Variants in LINGO2 observed in about 807,000 individuals in gnomAD.
LINGO2 encodes leucine-rich repeat and immunoglobulin-like domain-containing nogo receptor-interacting protein 2.
A neutral mutation model predicts 30.6 loss-of-function variants in LINGO2; 14 were observed. The ratio of observed to expected loss-of-function variants is 0.46; its 90% CI spans 0.30 to 0.72. The LOEUF (loss-of-function observed/expected upper bound fraction) is 0.72. LINGO2 is among the 30% of genes least tolerant of loss of function. The pLI is 0.07. For missense variants in LINGO2, 729 were observed against 751.7 expected (o/e 0.97, Z 0.35); for synonymous variants, 317 against 288.5 (o/e 1.10, Z -1.00).
At chr9:28,368,162 C>A (rs890820071) in intron 3 of LINGO2, among the ~76,000 whole-genome samples, 1 of 151,984 alleles carries the variant, frequency 6.6e-6, no homozygotes, top group South Asian at 2.1e-4. Context: ...TCTATTACAC[C>A]CTGCATTGTC....
chr9:28,591,770 G>A (rs1020421464), intron 1 of LINGO2, among the ~76,000 whole-genome samples: 2 of 151,986 alleles, frequency 1.3e-5, no homozygotes, highest in South Asian at 2.1e-4. Flanking sequence ...CTTGAATTAA[G>A]TAAGACTCTT....
In LINGO2 at chr9:28,190,180, G is replaced by C. The variant is rs997063737; in HGVS notation, c.-87+105028C>G. On this transcript the variant is annotated intron_variant, in intron 4 of 5. Coordinates refer to ENST00000379992, the Ensembl canonical transcript of LINGO2. ...CCAGGCTGTCTTGTCCATACCTTCA[G>C]AATTCCTGAGCTGTTTTGTCCATAA... Among the ~76,000 whole-genome samples, 7 of 152,104 alleles carry C rather than the reference G, an allele frequency of 4.6e-5. No individual in the cohort carries two copies. The South Asian group carries it at 1.4e-3, about 32-fold the overall frequency.
At chr9:28,592,172 G>A (rs1205611183) in intron 1 of LINGO2, among the ~76,000 whole-genome samples, 2 of 151,944 alleles carry the variant, frequency 1.3e-5, no homozygotes, top group African/African-American at 2.4e-5. Flanking sequence ...ATCTTCATAA[G>A]CCCTTCAAAG....
chr9:28,747,907 C>T, the LINGO2 span, among the ~76,000 whole-genome samples: 1 of 152,016 alleles, frequency 6.6e-6, no homozygotes, highest in Non-Finnish European at 1.5e-5. Context: ...CAAAAGAAAA[C>T]TTTATGTCAC....
the LINGO2 span, among the ~76,000 whole-genome samples, chr9:28,750,547 C>T: frequency 2.0e-5 from 3 of 152,054 alleles, no homozygotes; most frequent in East Asian, 1.9e-4. Flanking sequence ...TGCTTTACCA[C>T]TTGCCAACCT....
chr9:28,992,814 A>C, the LINGO2 span, among the ~76,000 whole-genome samples: 1 of 152,186 alleles, frequency 6.6e-6, no homozygotes, highest in Non-Finnish European at 1.5e-5. Flanking sequence ...CTTTGAAACC[A>C]ACGAGAACGA....
At chr9:28,287,946 T>A (rs900533460) in intron 4 of LINGO2, among the ~76,000 whole-genome samples, 5 of 152,188 alleles carry the variant, frequency 3.3e-5, no homozygotes, top group African/African-American at 1.2e-4. Flanking sequence ...GACATTTATT[T>A]AGTCAGCATT....
At position 28,041,765 on chromosome 9, in the gene LINGO2, A is replaced by T. The variant is rs528885099; in HGVS notation, c.-86-29360T>A. 4.6e-4 allele frequency among the ~76,000 whole-genome samples: 70 copies of T among 152,332 alleles called. 1 individual carries two copies. Among genetic ancestry groups the T allele is most frequent in the Non-Finnish European group, 8.7e-4 (59 of 68,028 alleles). ...GTTAGCGACATATTATAATTTACAT[A>T]TATTTTCCTTTTCCATGACACCTTA... On this transcript the variant is annotated intron_variant, in intron 4 of 5. Coordinates refer to ENST00000379992, the Ensembl canonical transcript of LINGO2.
At chr9:28,109,060 C>A (rs1438569199) in intron 4 of LINGO2, among the ~76,000 whole-genome samples, 1 of 152,212 alleles carries the variant, frequency 6.6e-6, no homozygotes, top group African/African-American at 2.4e-5. Context: ...ATCAAGTCAG[C>A]TTCATCTCTG....
chr9:29,049,048 A>C, the LINGO2 span, among the ~76,000 whole-genome samples: 2 of 152,200 alleles, frequency 1.3e-5, no homozygotes, highest in African/African-American at 2.4e-5. Flanking sequence ...ATGAGAGAAA[A>C]TATTTGCAAA....
the LINGO2 span, among the ~76,000 whole-genome samples, chr9:29,157,549 A>G: frequency 2.0e-5 from 3 of 152,200 alleles, no homozygotes; most frequent in Admixed American, 2.0e-4. Context: ...TTAGGCCTAG[A>G]TGTAGTAAGA....
chr9:28,763,774 C>G, the LINGO2 span, among the ~76,000 whole-genome samples: 11 of 150,766 alleles, frequency 7.3e-5, no homozygotes, highest in Non-Finnish European at 1.5e-4. Context: ...AAACCCTTAA[C>G]TAGGTTAATT....
chr9:28,740,978 G>C, the LINGO2 span, among the ~76,000 whole-genome samples: 1 of 151,964 alleles, frequency 6.6e-6, no homozygotes, highest in East Asian at 1.9e-4. Flanking sequence ...GACTTGGCAG[G>C]GGCATGGCCA....
intron 4 of LINGO2, among the ~76,000 whole-genome samples, chr9:28,199,416 G>T (rs902806223): frequency 6.7e-6 from 1 of 149,602 alleles, no homozygotes; most frequent in Non-Finnish European, 1.5e-5. Context: ...TTGGCTCACT[G>T]CAAGCTCCGC....
chr9:28,150,584 A>G (rs1429306994), intron 4 of LINGO2, among the ~76,000 whole-genome samples: 1 of 152,184 alleles, frequency 6.6e-6, no homozygotes, highest in African/African-American at 2.4e-5. Flanking sequence ...TTCCGTCCTG[A>G]AACGATGTTG....
chr9:28,461,911 T>C (rs1478947771), intron 2 of LINGO2, among the ~76,000 whole-genome samples: 1 of 152,174 alleles, frequency 6.6e-6, no homozygotes, highest in Non-Finnish European at 1.5e-5. Context: ...AGTTATTAGA[T>C]GTCAGCAGTC....
chr9:27,953,038 A>G (rs1819391046), intron 5 of LINGO2, among the ~76,000 whole-genome samples: 1 of 152,166 alleles, frequency 6.6e-6, no homozygotes. Context: ...AAAATAGCCA[A>G]TAAGTATATG....
chr9:28,235,382 G>T (rs189832319), intron 4 of LINGO2, among the ~76,000 whole-genome samples: 213 of 152,240 alleles, frequency 1.4e-3, no homozygotes, highest in Middle Eastern at 6.8e-3. Context: ...ATGCAAACAA[G>T]CCCAGACTAT....
chr9:28,851,437 T>C, the LINGO2 span, among the ~76,000 whole-genome samples: 2 of 152,088 alleles, frequency 1.3e-5, no homozygotes, highest in Admixed American at 6.6e-5. Flanking sequence ...TGTGATTATA[T>C]TGGGTCTACC....
Sources: gnomAD v4.1 joint callset for allele counts (sites outside exome capture counted in the v4.1 genomes callset) on GRCh38, gnomAD v4.1.1 for gene constraint, MANE v1.5 for transcripts, NCBI Gene and HGNC (gene_info 2026-07-23, HGNC 2026-07-21) for gene names.